Variants in RAPGEF1 observed in about 807,000 individuals in gnomAD.
The protein encoded by RAPGEF1 is CRK SH3-binding GNRP.
A neutral mutation model predicts 143.3 loss-of-function variants in RAPGEF1; 33 were observed. The ratio of observed to expected loss-of-function variants is 0.23; its 90% CI spans 0.17 to 0.31. The LOEUF (loss-of-function observed/expected upper bound fraction) is 0.31. Ranked by LOEUF, RAPGEF1 falls within the 10% of genes least tolerant of loss-of-function variation. The pLI is 1.00. For missense variants in RAPGEF1, 1,199 were observed against 1,645.4 expected (o/e 0.73, Z 4.69); for synonymous variants, 629 against 676.5 (o/e 0.93, Z 1.09).
intron 20 of RAPGEF1, 37 bp downstream of exon 20, chr9:131,588,764 T>C (rs1355883008): frequency 6.3e-7 from 1 of 1,578,536 alleles, no homozygotes; most frequent in South Asian, 1.1e-5. Flanking sequence ...GCACGGCTCC[T>C]GGGGAAGAGG....
At chr9:131,656,231 G>A (rs1279376140) in intron 1 of RAPGEF1, among the ~76,000 whole-genome samples, 1 of 152,182 alleles carries the variant, frequency 6.6e-6, no homozygotes, top group Non-Finnish European at 1.5e-5. Flanking sequence ...CTAAGTAAAT[G>A]AGACCTTATA....
chr9:131,706,653 CAAAT>C (rs760413599), intron 1 of RAPGEF1, among the ~76,000 whole-genome samples: 95 of 152,240 alleles, frequency 6.2e-4, no homozygotes, highest in African/African-American at 2.0e-3. Context: ...AAGAAAAAGA[CAAAT>C]AAACTGTGAA....
chr9:131,605,349 T>C (rs963741991), intron 12 of RAPGEF1, among the ~76,000 whole-genome samples, 161 bp from the exon 13 acceptor site: 27 of 152,288 alleles, frequency 1.8e-4, no homozygotes, highest in African/African-American at 6.0e-4. Flanking sequence ...CAGGCCACTG[T>C]GATACCCACA....
At chr9:131,686,812 G>T (rs1332848178) in intron 1 of RAPGEF1, among the ~76,000 whole-genome samples, 1 of 152,208 alleles carries the variant, frequency 6.6e-6, no homozygotes, top group African/African-American at 2.4e-5. Context: ...ATCTGCTGAT[G>T]AAGTAAGAAA....
At chr9:131,695,487 C>CAG (rs1834103337) in intron 1 of RAPGEF1, among the ~76,000 whole-genome samples, 1 of 152,208 alleles carries the variant, frequency 6.6e-6, no homozygotes, top group Non-Finnish European at 1.5e-5. Context: ...AAGCTCTCCC[C>CAG]AGATTGCAAG....
rs200917154 is a variant in RAPGEF1, at chr9:131,626,040, C to T, written c.1584G>A (p.Leu528=). 1.1e-4 allele frequency: 171 copies of T among 1,613,170 alleles called. 3 individuals carry two copies. In the East Asian group the frequency reaches 3.8e-3, roughly 36 times the overall value. The change falls in exon 10 of 27, where the codon CTG becomes CTA. Residue 528 remains leucine, a synonymous_variant. Coordinates refer to ENST00000683357, the MANE Select transcript of RAPGEF1 (RefSeq NM_001377935.1). ...CTGAGGAACCTCCATGCTGAAAGGG[C>T]AGAATAGCAGCAAAGGGCGCGTAGG... is the stretch of plus-strand genomic sequence containing the variant. ...SVPYAPFAAI[L]PFQHGGSSAP...
chr9:131,663,049 G>A (rs1008306257), intron 1 of RAPGEF1, among the ~76,000 whole-genome samples: 4 of 148,994 alleles, frequency 2.7e-5, no homozygotes, highest in East Asian at 2.0e-4. Flanking sequence ...CCACATACCC[G>A]TCACCTAGAT....
intron 12 of RAPGEF1, among the ~76,000 whole-genome samples, chr9:131,607,391 G>A (rs1957288200): frequency 1.3e-5 from 2 of 152,182 alleles, no homozygotes; most frequent in Admixed American, 6.5e-5. Flanking sequence ...ACCCAGGATG[G>A]CGCTGCAGGC....
chr9:131,735,667 G>C (rs2131361620), intron 1 of RAPGEF1, among the ~76,000 whole-genome samples: 1 of 152,350 alleles, frequency 6.6e-6, no homozygotes, highest in South Asian at 2.1e-4. Flanking sequence ...TCCGAGGAGG[G>C]GATGCAAACG....
intron 1 of RAPGEF1, among the ~76,000 whole-genome samples, chr9:131,685,248 C>T (rs747094874): frequency 6.6e-6 from 1 of 152,174 alleles, no homozygotes; most frequent in Non-Finnish European, 1.5e-5. Context: ...AGTAGCTCAC[C>T]GCGACAAAGC....
At chr9:131,739,032 G>GCAGGCTAATAAAGCCTGGGGCCCCA (rs2131375877) in intron 1 of RAPGEF1, among the ~76,000 whole-genome samples, 1 of 152,304 alleles carries the variant, frequency 6.6e-6, no homozygotes, top group Admixed American at 6.5e-5. Context: ...GCAAGGTGCT[G>GCAGGCTAATAAAGCCTGGGGCCCCA]CAGGCTAATA....
At chr9:131,719,787 A>C (rs1836131526) in intron 1 of RAPGEF1, among the ~76,000 whole-genome samples, 1 of 152,006 alleles carries the variant, frequency 6.6e-6, no homozygotes, top group Admixed American at 6.5e-5. Context: ...TGAAAGAGTT[A>C]AGATTTGTAC....
chr9:131,623,722 C>T (rs1460842824), intron 10 of RAPGEF1, among the ~76,000 whole-genome samples: 1 of 152,210 alleles, frequency 6.6e-6, no homozygotes, highest in African/African-American at 2.4e-5. Context: ...ACAGTGATCA[C>T]AAGGCTCGTC....
Position 131,579,414 on chromosome 9 carries a change from G to A in RAPGEF1, c.*83C>T, listed in dbSNP as rs1399477203. 12 of 1,521,924 alleles carry A rather than the reference G, an allele frequency of 7.9e-6. No individual in the cohort carries two copies. Among genetic ancestry groups the A allele is most frequent in the Non-Finnish European group, 1.1e-5 (12 of 1,126,310 alleles). 94.3% of individuals were successfully genotyped at this position (1,521,924 alleles called of 1,614,324 possible). A position where few individuals can be genotyped will look rare whatever the true frequency, so the allele number is the denominator to read the frequency against. ...TCCGAGGCCGGGACTCCTGCCATGC[G>A]CCTAACAGGTCCAAGGTCCTCTCCG... On this transcript the variant is annotated 3_prime_UTR_variant, in exon 27 of 27. Transcript: ENST00000683357.
intron 1 of RAPGEF1, among the ~76,000 whole-genome samples, chr9:131,680,377 G>T (rs1207065406): frequency 6.6e-6 from 1 of 152,326 alleles, no homozygotes; most frequent in East Asian, 1.9e-4. Context: ...GAGGAGTGTT[G>T]GGAGCAGGCC....
At chr9:131,610,989 T>C (rs139771927) in intron 12 of RAPGEF1, among the ~76,000 whole-genome samples, 29 of 152,350 alleles carry the variant, frequency 1.9e-4, no homozygotes, top group African/African-American at 7.0e-4. Context: ...TTCCTTACGG[T>C]CCCAATTAAC....
chr9:131,647,114 A>G, intron 3 of RAPGEF1, among the ~76,000 whole-genome samples: 1 of 152,232 alleles, frequency 6.6e-6, no homozygotes, highest in East Asian at 1.9e-4. Context: ...TACAACTTCA[A>G]CACTCTGCAG....
Position 131,604,884 on chromosome 9 carries a change from G to T in RAPGEF1, c.2319+47C>A, listed in dbSNP as rs556660656. The T allele has an allele frequency of 2.4e-6, 3 of 1,258,502 alleles. No individual in the cohort carries two copies. In the South Asian group the frequency reaches 3.9e-5, roughly 16 times the overall value. The allele number at this position is 1,258,502 out of a possible 1,614,324, so 78.0% of individuals were successfully genotyped here. ...AAAAAACGTGCAGCCCCATGTGCAG[G>T]GGTGTGTGTGTGTGTGTGTGTGTGT... On this transcript the variant is annotated intron_variant, in intron 13 of 26. Transcript: ENST00000683357.
intron 15 of RAPGEF1, among the ~76,000 whole-genome samples, chr9:131,600,531 A>G (rs1365847599): frequency 6.6e-6 from 1 of 152,172 alleles, no homozygotes; most frequent in Non-Finnish European, 1.5e-5. Flanking sequence ...GCCCTCTTCA[A>G]CAGGTCCCTA....
Sources: allele counts gnomAD v4.1 joint callset (sites outside exome capture counted in the v4.1 genomes callset), GRCh38; gene constraint gnomAD v4.1.1; transcripts MANE v1.5; gene names NCBI Gene and HGNC (gene_info 2026-07-23, HGNC 2026-07-21).